The following ADAMTS16 variants were observed in gnomAD, a reference collection of about 807,000 sequenced individuals.
ADAMTS16 encodes A disintegrin and metalloproteinase with thrombospondin motifs 16.
A neutral mutation model predicts 145.8 loss-of-function variants in ADAMTS16; 94 were observed. The observed-to-expected ratio is 0.64, with a 90% CI of 0.55 to 0.77. The LOEUF is 0.77. Ranked by LOEUF, ADAMTS16 falls within the 30% of genes least tolerant of loss-of-function variation. The pLI is 0.00. For missense variants in ADAMTS16, 1,585 were observed against 1,591.5 expected (o/e 1.00, Z 0.07); for synonymous variants, 659 against 604.3 (o/e 1.09, Z -1.33).
intron 18 of ADAMTS16, among the ~76,000 whole-genome samples, chr5:5,300,522 A>G (rs1314031812): frequency 6.6e-6 from 1 of 152,198 alleles, no homozygotes; most frequent in Admixed American, 6.5e-5. Context: ...TCTTTGTATA[A>G]TTTTCTTAAA....
chr5:5,220,409 C>T (rs772212131), intron 10 of ADAMTS16, among the ~76,000 whole-genome samples: 42 of 151,702 alleles, frequency 2.8e-4, no homozygotes, highest in Non-Finnish European at 4.3e-4. Context: ...CCGCCCGCCT[C>T]GGCCTCCCAA....
At chr5:5,253,315 G>A (rs531145696) in intron 17 of ADAMTS16, among the ~76,000 whole-genome samples, 21 of 152,188 alleles carry the variant, frequency 1.4e-4, no homozygotes, top group Non-Finnish European at 2.4e-4. Flanking sequence ...CCGGTAAGGC[G>A]GGACAACTCA....
intron 3 of ADAMTS16, among the ~76,000 whole-genome samples, chr5:5,181,620 C>G (rs1364250956): frequency 6.6e-6 from 1 of 152,166 alleles, no homozygotes; most frequent in Non-Finnish European, 1.5e-5. Context: ...CAGAGTTTTG[C>G]ACATTACCCT....
At chr5:5,172,624 T>C (rs1735071860) in intron 3 of ADAMTS16, among the ~76,000 whole-genome samples, 1 of 152,120 alleles carries the variant, frequency 6.6e-6, no homozygotes, top group African/African-American at 2.4e-5. Flanking sequence ...AATTTCAGGG[T>C]TTTTAAAATT....
At chr5:5,192,460 T>G (rs916509742) in intron 8 of ADAMTS16, among the ~76,000 whole-genome samples, 3 of 152,224 alleles carry the variant, frequency 2.0e-5, no homozygotes, top group African/African-American at 7.2e-5. Context: ...TATATATTTA[T>G]GTATTTACAA....
intron 3 of ADAMTS16, 39 bp from the exon 4 acceptor site, chr5:5,182,005 T>G: frequency 6.4e-7 from 1 of 1,569,098 alleles, no homozygotes; most frequent in Non-Finnish European, 8.6e-7. Context: ...AACCAGAAAG[T>G]CTAATTGTGT....
intron 7 of ADAMTS16, among the ~76,000 whole-genome samples, chr5:5,190,777 T>C (rs907946668): frequency 2.0e-5 from 3 of 152,196 alleles, no homozygotes; most frequent in Non-Finnish European, 2.9e-5. Context: ...CAAAAGCAAG[T>C]TAACGTGGTG....
intron 21 of ADAMTS16, among the ~76,000 whole-genome samples, 182 bp downstream of exon 21, chr5:5,306,910 G>C (rs1312454235): frequency 6.6e-6 from 1 of 152,206 alleles, no homozygotes; most frequent in African/African-American, 2.4e-5. Flanking sequence ...GTGGCTTTCT[G>C]AGGATGGTCT....
intron 18 of ADAMTS16, among the ~76,000 whole-genome samples, chr5:5,297,391 C>T (rs562142523): frequency 6.6e-6 from 1 of 152,330 alleles, no homozygotes; most frequent in Non-Finnish European, 1.5e-5. Context: ...ATCCCAAGAA[C>T]CAGAGTGCTG....
At chr5:5,202,726 A>G (rs988358955) in intron 9 of ADAMTS16, among the ~76,000 whole-genome samples, 1 of 152,222 alleles carries the variant, frequency 6.6e-6, no homozygotes, top group Non-Finnish European at 1.5e-5. Context: ...GTTATGAGGA[A>G]GATACAGTAA....
At chr5:5,219,367 A>T (rs929169564) in intron 10 of ADAMTS16, among the ~76,000 whole-genome samples, 2 of 151,382 alleles carry the variant, frequency 1.3e-5, no homozygotes, top group Admixed American at 1.3e-4. Flanking sequence ...CCATTAACCA[A>T]CTCCTCTTTA....
At chr5:5,221,441 G>C (rs1304358526) in intron 10 of ADAMTS16, among the ~76,000 whole-genome samples, 1 of 152,084 alleles carries the variant, frequency 6.6e-6, no homozygotes, top group East Asian at 1.9e-4. Flanking sequence ...GCAAAGCCCT[G>C]GCCATTAACA....
At position 5,301,243 on chromosome 5, in the gene ADAMTS16, T is replaced by G. The variant is rs60905735; in HGVS notation, c.2790-2025T>G. Among the ~76,000 whole-genome samples the G allele has an allele frequency of 3.3e-3, 500 of 152,130 alleles. 4 individuals carry two copies. Among genetic ancestry groups the G allele is most frequent in the African/African-American group, 0.012 (483 of 41,506 alleles). On this transcript the variant is annotated intron_variant, in intron 18 of 22. Coordinates refer to ENST00000274181, the MANE Select transcript of ADAMTS16 (RefSeq NM_139056.4). The stretch of plus-strand genomic sequence containing the variant: ...CCAGCTAATTTTTGTATTTTTTGTG[T>G]GTGGAGATGGGTTTTTGCCATGTTG...
chr5:5,254,197 C>T (rs1411824426), intron 17 of ADAMTS16, among the ~76,000 whole-genome samples: 4 of 152,060 alleles, frequency 2.6e-5, no homozygotes, highest in Admixed American at 6.5e-5. Context: ...ATCTTGCTCT[C>T]CCTGTTTCTA....
rs1318824052 is a variant in ADAMTS16, at chr5:5,146,472, C to T, written c.501+17C>T. The T allele has an allele frequency of 1.3e-6, 2 of 1,579,186 alleles. No individual in the cohort carries two copies. Among genetic ancestry groups the T allele is most frequent in the South Asian group, 1.1e-5 (1 of 88,666 alleles). On this transcript the variant is annotated intron_variant, in intron 3 of 22. Transcript: ENST00000274181. ...CAAGGCTTGGTGAGTACAGCGCAAG[C>T]CCCAGGTAGGGAGGCGAGGTTGGTG...
intron 18 of ADAMTS16, among the ~76,000 whole-genome samples, chr5:5,291,086 A>G (rs1739293582): frequency 6.6e-6 from 1 of 152,196 alleles, no homozygotes; most frequent in African/African-American, 2.4e-5. Context: ...AAGAGTAAAT[A>G]TTCCAAAATC....
At chr5:5,185,789 G>T (rs1474936710) in intron 4 of ADAMTS16, among the ~76,000 whole-genome samples, 1 of 152,168 alleles carries the variant, frequency 6.6e-6, no homozygotes, top group Non-Finnish European at 1.5e-5. Flanking sequence ...GCCAAAGAGT[G>T]CCCTCTCTTG....
At chr5:5,189,494 T>C (rs893846247) in intron 6 of ADAMTS16, among the ~76,000 whole-genome samples, 3 of 152,242 alleles carry the variant, frequency 2.0e-5, no homozygotes, top group African/African-American at 7.2e-5. Flanking sequence ...AGATATTTAA[T>C]TTAACACTAT....
chr5:5,310,088 G>A lies in ADAMTS16; in HGVS notation c.3411+3360G>A, dbSNP rs1400831273. On this transcript the variant is annotated intron_variant, in intron 21 of 22. Transcript: ENST00000274181. The surrounding 1 kb of genome is among the most constrained non-coding windows in gnomAD (Gnocchi z 4.3). ...GAGGAGTGCAGAAATTAGTGCAGGT[G>A]CCTGTTGGGCAGCCGGGGTCAAGGT... Among the ~76,000 whole-genome samples the A allele has an allele frequency of 6.6e-6, 1 of 152,132 alleles. No individual in the cohort carries two copies. The highest frequency in any genetic ancestry group is 2.4e-5 in the African/African-American group (1 of 41,408).
Sources: allele counts gnomAD v4.1 joint callset (sites outside exome capture counted in the v4.1 genomes callset), GRCh38; gene constraint gnomAD v4.1.1; non-coding constraint Gnocchi (gnomAD v3.1); transcripts MANE v1.5; gene names NCBI Gene and HGNC (gene_info 2026-07-23, HGNC 2026-07-21).